The following SLC25A33 variants were observed in gnomAD, a reference collection of about 807,000 sequenced individuals.
SLC25A33 encodes the protein solute carrier family 25 member 33, also known as bone marrow stromal cell mitochondrial carrier protein.
In SLC25A33, 15 loss-of-function variants were observed where a neutral mutation model predicts 35.5. The ratio of observed to expected loss-of-function variants is 0.42; its 90% CI spans 0.28 to 0.65. The LOEUF (loss-of-function observed/expected upper bound fraction) is 0.65, where lower values mean the gene tolerates loss of function less well. SLC25A33 is among the 30% of genes least tolerant of loss of function. The pLI is 0.20. For missense variants in SLC25A33, 257 were observed against 398.5 expected (o/e 0.64, Z 3.02); for synonymous variants, 136 against 148.7 (o/e 0.91, Z 0.62).
intron 1 of SLC25A33, among the ~76,000 whole-genome samples, chr1:9,547,332 T>C (rs1027990714): frequency 1.3e-5 from 2 of 151,954 alleles, no homozygotes; most frequent in African/African-American, 4.8e-5. Context: ...CACACATCTG[T>C]AATCACAGCT....
intron 3 of SLC25A33, among the ~76,000 whole-genome samples, chr1:9,568,099 A>T (rs1643536282): frequency 6.6e-6 from 1 of 152,210 alleles, no homozygotes; most frequent in Non-Finnish European, 1.5e-5. Flanking sequence ...GTATGATTGT[A>T]AAAGTAACAG....
At chr1:9,576,019 A>G (rs1488000617) in intron 5 of SLC25A33, among the ~76,000 whole-genome samples, 1 of 152,186 alleles carries the variant, frequency 6.6e-6, no homozygotes. Flanking sequence ...CAAGTGTCCC[A>G]TAGTAAACTC....
At chr1:9,579,483 G>A (rs1314162181) in intron 5 of SLC25A33, among the ~76,000 whole-genome samples, 1 of 152,070 alleles carries the variant, frequency 6.6e-6, no homozygotes, top group South Asian at 2.1e-4. Context: ...TTACTGGTTT[G>A]TTATAGAGGA....
At chr1:9,576,431 AGAC>A in intron 5 of SLC25A33, 22 of 375,928 alleles carry the variant, frequency 5.9e-5, no homozygotes, top group Admixed American at 1.6e-4. Flanking sequence ...GTGAAAATGA[AGAC>A]CATTCACAGC....
chr1:9,557,624 G>A (rs72646718), intron 2 of SLC25A33, among the ~76,000 whole-genome samples: 20,294 of 152,158 alleles, frequency 0.13, 1,653 homozygotes, highest in East Asian at 0.29. Context: ...GAATATAACT[G>A]AGCATGATAT....
At chr1:9,545,690 C>T (rs904028224) in intron 1 of SLC25A33, among the ~76,000 whole-genome samples, 20 of 151,224 alleles carry the variant, frequency 1.3e-4, no homozygotes, top group African/African-American at 4.6e-4. Context: ...CGTGAGCCAC[C>T]GCGCCCAGCC....
chr1:9,580,233 C>G lies in SLC25A33; in HGVS notation c.762C>G (p.His254Gln). The G allele has an allele frequency of 6.2e-7, 1 of 1,610,706 alleles. No homozygotes were observed. ...GTGCCTCCTGCATTGCTTATCCACACGGTATGTTTTGCTTTTGTTCTTCCA... is the reference window on the plus strand; with the variant it reads ...GTGCCTCCTGCATTGCTTATCCACAGGGTATGTTTTGCTTTTGTTCTTCCA... Reference protein sequence around the residue: ...KGCASCIAYPHEVIRTRLREE... With the variant: ...KGCASCIAYPQEVIRTRLREE... Residue 254 changes from histidine to glutamine, a missense_variant and splice_region_variant, in exon 6 of 7, where the codon CAC becomes CAG. His to Gln is a conservative substitution (Grantham distance 24). Coordinates refer to ENST00000302692, the MANE Select transcript of SLC25A33 (RefSeq NM_032315.3).
At chr1:9,545,637 G>A (rs896705653) in intron 1 of SLC25A33, among the ~76,000 whole-genome samples, 39 of 149,280 alleles carry the variant, frequency 2.6e-4, no homozygotes, top group African/African-American at 7.4e-4. Context: ...TCCTGATCTC[G>A]TGATCCACCC....
In SLC25A33 at chr1:9,539,796, C is replaced by G. The variant is rs562492476; in HGVS notation, c.56+49C>G. 5.7e-3 allele frequency: 7,374 copies of G among 1,300,194 alleles called. 33 individuals are homozygous for G. The highest frequency in any genetic ancestry group is 0.017 in the Middle Eastern group (58 of 3,380). 80.5% of individuals were successfully genotyped at this position (1,300,194 alleles called of 1,614,324 possible). Reference sequence around the variant, plus strand: ...CGCGCCCCACCGCCTGCGGTCCCCTCGGCCTTCGCCCCGGGCGCGGCCCCA... The same window carrying G: ...CGCGCCCCACCGCCTGCGGTCCCCTGGGCCTTCGCCCCGGGCGCGGCCCCA... On this transcript the variant is annotated intron_variant, in intron 1 of 6. Transcript: ENST00000302692.
chr1:9,550,011 A>ATATATATATTTTTT, intron 1 of SLC25A33, among the ~76,000 whole-genome samples: 7 of 48,862 alleles, frequency 1.4e-4, no homozygotes, highest in Admixed American at 1.1e-3. Flanking sequence ...ATATATATAT[A>ATATATATATTTTTT]TTTTTTTTTT....
intron 2 of SLC25A33, among the ~76,000 whole-genome samples, chr1:9,558,000 C>G (rs573646917): frequency 2.0e-5 from 3 of 152,262 alleles, no homozygotes; most frequent in South Asian, 2.1e-4. Flanking sequence ...TATACACTTA[C>G]GAAGAAAACT....
intron 1 of SLC25A33, among the ~76,000 whole-genome samples, chr1:9,546,453 G>A (rs1320082920): frequency 2.0e-5 from 3 of 151,852 alleles, no homozygotes; most frequent in Non-Finnish European, 1.5e-5. Flanking sequence ...CAAAGTGCTG[G>A]GATTACAGGC....
intron 4 of SLC25A33, among the ~76,000 whole-genome samples, chr1:9,570,680 T>TATAGATAG (rs143146497): frequency 1.4e-5 from 2 of 146,846 alleles, no homozygotes; most frequent in African/African-American, 5.3e-5. Context: ...GATAGATAGA[T>TATAGATAG]ATAGATAGAT....
chr1:9,577,495 G>GA (rs970364718), intron 5 of SLC25A33, among the ~76,000 whole-genome samples: 18 of 152,174 alleles, frequency 1.2e-4, no homozygotes, highest in Admixed American at 3.3e-4. Flanking sequence ...ATGAAAAAAG[G>GA]AAAAAAGAAA....
At chr1:9,542,750 A>T (rs908261334) in intron 1 of SLC25A33, among the ~76,000 whole-genome samples, 1 of 152,264 alleles carries the variant, frequency 6.6e-6, no homozygotes, top group African/African-American at 2.4e-5. Context: ...AAACTATAAC[A>T]TCAAACAAGT....
At chr1:9,564,840 C>T (rs528924563) in intron 2 of SLC25A33, among the ~76,000 whole-genome samples, 7 of 149,968 alleles carry the variant, frequency 4.7e-5, no homozygotes, top group African/African-American at 1.5e-4. Context: ...ACAAGAATTG[C>T]TTGAACTTAG....
In SLC25A33 at chr1:9,564,725, TAAA is replaced by T. The variant is rs1553146726; in HGVS notation, c.237-2546_237-2544del. ...AACATGGTGACACCTCGTCTCTATT[TAAA>T]AAAAAAAAAAAATATATATATATAT... On this transcript the variant is annotated intron_variant, in intron 2 of 6. Transcript: ENST00000302692. Among the ~76,000 whole-genome samples the T allele has an allele frequency of 3.8e-4, 36 of 94,484 alleles. 1 individual carries two copies. Among genetic ancestry groups the T allele is most frequent in the Middle Eastern group, 5.2e-3 (1 of 194 alleles). 62.0% of individuals were successfully genotyped at this position (94,484 alleles called of 152,430 possible). A position where few individuals can be genotyped will look rare whatever the true frequency, so the allele number is the denominator to read the frequency against.
intron 1 of SLC25A33, among the ~76,000 whole-genome samples, chr1:9,544,529 A>G (rs1423935899): frequency 6.6e-6 from 1 of 152,070 alleles, no homozygotes; most frequent in African/African-American, 2.4e-5. Context: ...TCAGCCTCCA[A>G]AAGTGCTGGG....
At chr1:9,572,742 T>C (rs952928402) in intron 4 of SLC25A33, among the ~76,000 whole-genome samples, 1 of 152,098 alleles carries the variant, frequency 6.6e-6, no homozygotes, top group Non-Finnish European at 1.5e-5. Flanking sequence ...GTTGCTTTTT[T>C]TGGTTGTCCT....
Sources: gnomAD v4.1 joint callset for allele counts (sites outside exome capture counted in the v4.1 genomes callset) on GRCh38, gnomAD v4.1.1 for gene constraint, MANE v1.5 for transcripts, NCBI Gene and HGNC (gene_info 2026-07-23, HGNC 2026-07-21) for gene names.